The following RBPJ variants were observed in gnomAD, a reference collection of about 807,000 sequenced individuals.
RBPJ encodes the protein recombination signal binding protein for immunoglobulin kappa J region.
In RBPJ, 9 loss-of-function variants were observed where a neutral mutation model predicts 67.8. The observed-to-expected ratio is 0.13, with a 90% CI of 0.08 to 0.23. RBPJ has a LOEUF of 0.23. Ranked by LOEUF, RBPJ falls within the 10% of genes least tolerant of loss-of-function variation. RBPJ has a pLI of 1.00. For synonymous variants in RBPJ, 198 were observed against 203.3 expected (o/e 0.97, Z 0.22); for missense variants, 305 against 595.6 (o/e 0.51, Z 5.08).
Position 26,173,932 on chromosome 4 carries a change from G to A in RBPJ, c.-167+10318G>A, listed in dbSNP as rs546016096. On this transcript the variant is annotated intron_variant, in intron 1 of 4. Coordinates refer to the RBPJ transcript ENST00000512351. ...GCGCAATAGGAGAGGTGTGTACAAA[G>A]TACCGTAGGGAAGCACTGAGGAAGG... 9.2e-5 allele frequency among the ~76,000 whole-genome samples: 14 copies of A among 152,316 alleles called. No homozygotes were observed. In the South Asian group the frequency reaches 2.9e-3, roughly 32 times the overall value.
At chr4:26,177,174 G>A (rs545704077) in intron 1 of RBPJ, among the ~76,000 whole-genome samples, 29 of 152,210 alleles carry the variant, frequency 1.9e-4, no homozygotes, top group African/African-American at 7.0e-4. Context: ...TTGTGCATAG[G>A]AGAGCATCTC....
chr4:26,167,801 CA>C (rs1716378955), intron 1 of RBPJ, among the ~76,000 whole-genome samples: 2 of 150,600 alleles, frequency 1.3e-5, no homozygotes, highest in African/African-American at 4.9e-5. Flanking sequence ...TGCCAGTTTT[CA>C]AAGGGAATGC....
At chr4:26,418,287 A>G (rs376044388) in intron 4 of RBPJ, among the ~76,000 whole-genome samples, 1 of 152,322 alleles carries the variant, frequency 6.6e-6, no homozygotes, top group Middle Eastern at 3.4e-3. Flanking sequence ...ACCTTTTGCA[A>G]TAGCAAGGCA....
At chr4:26,136,508 C>CA in the RBPJ span, among the ~76,000 whole-genome samples, 1 of 152,192 alleles carries the variant, frequency 6.6e-6, no homozygotes, top group Non-Finnish European at 1.5e-5. Context: ...AGGGAAGTAA[C>CA]AGAGGGAGAG....
chr4:26,316,673 C>CATATATATATATACACATATTGTGT (rs1203377948), upstream of RBPJ, among the ~76,000 whole-genome samples: 9 of 127,128 alleles, frequency 7.1e-5, no homozygotes, highest in African/African-American at 8.7e-5. Flanking sequence ...TATATATACA[C>CATATATATATATACACATATTGTGT]ATATATATAT....
chr4:26,130,934 T>TA, the RBPJ span, among the ~76,000 whole-genome samples: 17 of 152,372 alleles, frequency 1.1e-4, no homozygotes, highest in African/African-American at 3.1e-4. Context: ...TTGAAACTGC[T>TA]AAAATTACAT....
chr4:26,144,663 C>A, the RBPJ span, among the ~76,000 whole-genome samples: 1 of 152,178 alleles, frequency 6.6e-6, no homozygotes, highest in African/African-American at 2.4e-5. Context: ...TAAGTTCATT[C>A]CTAGGCTTAG....
intron 1 of RBPJ, among the ~76,000 whole-genome samples, chr4:26,207,078 G>C (rs762576051): frequency 6.6e-6 from 1 of 152,102 alleles, no homozygotes; most frequent in African/African-American, 2.4e-5. Flanking sequence ...TCTCCTTTTA[G>C]TATGGAAATG....
At chr4:26,315,426 G>T (rs1323750149), upstream of RBPJ, among the ~76,000 whole-genome samples, 1 of 151,722 alleles carries the variant, frequency 6.6e-6, no homozygotes. Flanking sequence ...AAGGGAGGGG[G>T]TGTACGAACA....
chr4:26,392,261 C>T (rs1731585325), intron 2 of RBPJ, among the ~76,000 whole-genome samples: 1 of 152,180 alleles, frequency 6.6e-6, no homozygotes, highest in Non-Finnish European at 1.5e-5. Flanking sequence ...AATAATTTAG[C>T]ACTTTCTTAA....
rs552229591 is a variant in RBPJ, at chr4:26,412,565, A to C, written c.156-2910A>C. Reference sequence around the variant, plus strand: ...TTTAGATTTGGGATGTTCAACCACTAAGTATAAATGCAAACAATCCAAGGT... The same window carrying C: ...TTTAGATTTGGGATGTTCAACCACTCAGTATAAATGCAAACAATCCAAGGT... On this transcript the variant is annotated intron_variant, in intron 3 of 10. Coordinates refer to ENST00000355476, the MANE Select transcript of RBPJ (RefSeq NM_015874.6). Among the ~76,000 whole-genome samples the C allele has an allele frequency of 2.4e-4, 36 of 152,298 alleles. No individual in the cohort carries two copies. The East Asian group carries it at 6.9e-3, about 29-fold the overall frequency.
At chr4:26,215,014 GAGAA>G (rs1337877331) in intron 1 of RBPJ, among the ~76,000 whole-genome samples, 1,124 of 55,958 alleles carry the variant, frequency 0.02, 82 homozygotes, top group African/African-American at 0.067. Flanking sequence ...GAAGGAAGGA[GAGAA>G]AGAAAGAAAG....
chr4:26,210,206 T>C (rs1282935899), intron 1 of RBPJ, among the ~76,000 whole-genome samples: 1 of 152,212 alleles, frequency 6.6e-6, no homozygotes, highest in East Asian at 1.9e-4. Context: ...ATCCAAGAGT[T>C]TGACAGTGTT....
the RBPJ span, among the ~76,000 whole-genome samples, chr4:26,137,665 T>C: frequency 2.0e-4 from 30 of 152,352 alleles, no homozygotes; most frequent in South Asian, 5.8e-3. Flanking sequence ...CCTGAGGATC[T>C]AACAGAGGAA....
At position 26,432,949 on chromosome 4, in the gene RBPJ, C is replaced by G. The variant is rs1736363524; in HGVS notation, c.*1942C>G. The G allele has an allele frequency of 6.6e-6, 1 of 152,178 alleles. No individual in the cohort carries two copies. The highest frequency in any genetic ancestry group is 1.5e-5 in the Non-Finnish European group (1 of 68,040). 9.4% of individuals were successfully genotyped at this position (152,178 alleles called of 1,614,324 possible). On this transcript the variant is annotated 3_prime_UTR_variant, in exon 11 of 11. Coordinates refer to ENST00000355476, the MANE Select transcript of RBPJ (RefSeq NM_015874.6). ...AGACTATGCCACTGTAAATATTCTT[C>G]CTAACATCTTTAAATCGCCTTTTCC...
At chr4:26,165,261 CT>C (rs1716227197) in intron 1 of RBPJ, among the ~76,000 whole-genome samples, 1 of 152,214 alleles carries the variant, frequency 6.6e-6, no homozygotes, top group African/African-American at 2.4e-5. Context: ...GGCTCCATTT[CT>C]GCAGTTTAGC....
upstream of RBPJ, among the ~76,000 whole-genome samples, chr4:26,159,439 T>C (rs1336448472): frequency 1.3e-5 from 2 of 152,154 alleles, no homozygotes; most frequent in African/African-American, 2.4e-5. Flanking sequence ...TTAGAAATGA[T>C]AACTCCACAG....
intron 1 of RBPJ, among the ~76,000 whole-genome samples, chr4:26,234,341 C>T (rs929442917): frequency 1.3e-5 from 2 of 152,148 alleles, no homozygotes; most frequent in African/African-American, 4.8e-5. Context: ...GAAAGCAGTC[C>T]TATTAGACCC....
At chr4:26,356,137 A>C (rs1228772285) in intron 1 of RBPJ, among the ~76,000 whole-genome samples, 2 of 152,218 alleles carry the variant, frequency 1.3e-5, no homozygotes, top group African/African-American at 4.8e-5. Context: ...ACAGAACATC[A>C]ATAGAAAGGT....
Sources: gnomAD v4.1 joint callset for allele counts (sites outside exome capture counted in the v4.1 genomes callset) on GRCh38, gnomAD v4.1.1 for gene constraint, MANE v1.5 for transcripts, NCBI Gene and HGNC (gene_info 2026-07-23, HGNC 2026-07-21) for gene names.